Variants in ADAMTS13 observed in about 807,000 individuals in gnomAD.
The protein encoded by ADAMTS13 is A disintegrin and metalloproteinase with thrombospondin motifs 13.
Under a neutral mutation model 155.1 loss-of-function variants are expected in ADAMTS13, and 110 were observed. The observed-to-expected ratio is 0.71, with a 90% CI of 0.61 to 0.83. The LOEUF is 0.83. Ranked by LOEUF, ADAMTS13 falls within the 40% of genes least tolerant of loss-of-function variation. The pLI is 0.00. For synonymous variants in ADAMTS13, 758 were observed against 756.4 expected, an observed-to-expected ratio of 1.00 and a Z score of -0.03; for missense variants, 1,707 against 1,891.7, an observed-to-expected ratio of 0.90 and a Z score of 1.81.
rs1430563283 is a variant in ADAMTS13, at chr9:133,440,877, G to A, written c.1968+352G>A. Among the ~76,000 whole-genome samples the A allele has an allele frequency of 1.3e-5, 2 of 152,128 alleles. No individual in the cohort carries two copies. The highest frequency in any genetic ancestry group is 4.8e-5 in the African/African-American group (2 of 41,434). On this transcript the variant is annotated intron_variant, in intron 16 of 28. Coordinates refer to ENST00000355699, the MANE Select transcript of ADAMTS13 (RefSeq NM_139027.6). This position sits in a 1 kb window ranked among gnomAD's most constrained non-coding sequence, Gnocchi z 4.3. ...TGAGCAGATGTTGCTGGGCCAAGCA[G>A]GGAAGGAAGCGTATGGCTGAGGGAA...
rs1842734712 is a variant in ADAMTS13 at position 133,456,228 on chromosome 9, C to T, written c.3547+13C>T. On this transcript the variant is annotated intron_variant, in intron 26 of 28. Transcript: ENST00000355699. This position sits in a 1 kb window ranked among gnomAD's most constrained non-coding sequence, Gnocchi z 4.4. ...AACTGCAGTGCGGGTATGTCTAGGG[C>T]CATGCAAGCGATGCTGCCAGTTATG... 1 of 1,613,254 alleles carries T rather than the reference C, an allele frequency of 6.2e-7. No individual in the cohort carries two copies. Among genetic ancestry groups the T allele is most frequent in the Non-Finnish European group, 8.5e-7 (1 of 1,180,042 alleles).
In ADAMTS13 at chr9:133,428,630, C is replaced by A; in HGVS notation, c.687-4C>A. 1 of 1,321,952 alleles carries A rather than the reference C, an allele frequency of 7.6e-7. No homozygotes were observed. The allele number at this position is 1,321,952 out of a possible 1,614,324, so 81.9% of individuals were successfully genotyped here. A position where few individuals can be genotyped will look rare whatever the true frequency, so the allele number is the denominator to read the frequency against. On this transcript the variant is annotated splice_polypyrimidine_tract_variant and splice_region_variant and intron_variant, in intron 6 of 28. Transcript: ENST00000355699. ...CTTAGCGCAACTCCCCGCCCCCCGA[C>A]CAGCTTCGGCCTGGAGCACGACGGC...
At chr9:133,433,311 G>T in intron 9 of ADAMTS13, 67 bp from the exon 10 acceptor site, 1 of 1,596,020 alleles carries the variant, frequency 6.3e-7, no homozygotes, top group East Asian at 2.2e-5. Flanking sequence ...GGGACTCTCT[G>T]TGTGTGTTGG....
chr9:133,454,354 C>T (rs926835257), intron 23 of ADAMTS13, 61 bp from the exon 24 acceptor site: 23 of 1,585,274 alleles, frequency 1.5e-5, no homozygotes, highest in African/African-American at 6.7e-5. Flanking sequence ...GAGGGGCCTG[C>T]GTGGGGCAGT....
At position 133,445,150 on chromosome 9, in the gene ADAMTS13, C is replaced by A. The variant is rs1841972126; in HGVS notation, c.2610+98C>A. The A allele has an allele frequency of 7.5e-7, 1 of 1,333,134 alleles. No individual in the cohort carries two copies. The highest frequency in any genetic ancestry group is 2.0e-5 in the Admixed American group (1 of 50,358). 82.6% of individuals were successfully genotyped at this position (1,333,134 alleles called of 1,614,324 possible). On this transcript the variant is annotated intron_variant, in intron 20 of 28. Transcript: ENST00000355699. The surrounding 1 kb of genome is among the most constrained non-coding windows in gnomAD (Gnocchi z 5.0). The stretch of plus-strand genomic sequence containing the variant: ...ATTGCCACCGTCCTCCAGGCCAGAG[C>A]AAGAACACCATCCTTCTGTGGGAAT...
chr9:133,440,544 G>A lies in ADAMTS13; in HGVS notation c.1968+19G>A, dbSNP rs781987843. Reference sequence around the variant, plus strand: ...CATCCAGGTCAGCAGGAGAGCCTGGGGGAGGCCAGTGGGGGCTTCTTCTTG... The same window carrying A: ...CATCCAGGTCAGCAGGAGAGCCTGGAGGAGGCCAGTGGGGGCTTCTTCTTG... On this transcript the variant is annotated intron_variant, in intron 16 of 28. Transcript: ENST00000355699. The surrounding 1 kb of genome is among the most constrained non-coding windows in gnomAD (Gnocchi z 4.3). 2 of 1,581,660 alleles carry A rather than the reference G, an allele frequency of 1.3e-6. No individual in the cohort carries two copies. Among genetic ancestry groups the A allele is most frequent in the Non-Finnish European group, 1.7e-6 (2 of 1,160,704 alleles).
At chr9:133,447,143 C>T (rs1842120154) in intron 21 of ADAMTS13, among the ~76,000 whole-genome samples, 1 of 152,178 alleles carries the variant, frequency 6.6e-6, no homozygotes, top group African/African-American at 2.4e-5. Flanking sequence ...GCGTGAGCCC[C>T]CACACCTGGC....
At chr9:133,455,133 A>G in intron 24 of ADAMTS13, 152 bp from the exon 25 acceptor site, 1 of 870,650 alleles carries the variant, frequency 1.1e-6, no homozygotes, top group Non-Finnish European at 1.8e-6. Context: ...GCCCTCTCTG[A>G]GCCTCAGTTT....
intron 14 of ADAMTS13, among the ~76,000 whole-genome samples, chr9:133,439,065 A>G (rs1300253779): frequency 1.3e-5 from 2 of 152,184 alleles, no homozygotes; most frequent in East Asian, 1.9e-4. Flanking sequence ...ATATGAGGTC[A>G]AAAACCATTT....
rs1554784898 is a variant in ADAMTS13 at position 133,425,081 on chromosome 9, T to G, written c.331-448T>G. Among the ~76,000 whole-genome samples the G allele has an allele frequency of 1.3e-5, 2 of 152,110 alleles. No individual in the cohort carries two copies. Among genetic ancestry groups the G allele is most frequent in the African/African-American group, 4.8e-5 (2 of 41,418 alleles). ...GGCTCATGCCTATAATCCCAGCACT[T>G]TGGGAGGCCAAGGCGGGTGGATCAC... On this transcript the variant is annotated intron_variant, in intron 3 of 28. Transcript: ENST00000355699. This position sits in a 1 kb window ranked among gnomAD's most constrained non-coding sequence, Gnocchi z 4.6.
Position 133,458,555 on chromosome 9 carries a change from C to CAAAAA in ADAMTS13, c.3910-402_3910-398dup, listed in dbSNP as rs10699153. On this transcript the variant is annotated intron_variant, in intron 28 of 28. Transcript: ENST00000355699. ...TGGGCAACAGAGTGAGACTCTGTCT[C>CAAAAA]AAAAAAAAAAAAAAAAAAAAAGCGA... is the stretch of plus-strand genomic sequence containing the variant. 8.0e-4 allele frequency among the ~76,000 whole-genome samples: 45 copies of CAAAAA among 56,226 alleles called. 10 individuals carry two copies. Among genetic ancestry groups the CAAAAA allele is most frequent in the South Asian group, 4.8e-3 (4 of 830 alleles). 36.9% of individuals were successfully genotyped at this position (56,226 alleles called of 152,430 possible).
intron 1 of ADAMTS13, among the ~76,000 whole-genome samples, chr9:133,415,390 C>A (rs138150757): frequency 6.6e-6 from 1 of 151,892 alleles, no homozygotes; most frequent in East Asian, 1.9e-4. Context: ...CTTGGGCCAA[C>A]ATCCTGCTAC....
At position 133,439,386 on chromosome 9, in the gene ADAMTS13, G is replaced by A; in HGVS notation, c.1726G>A (p.Val576Ile). 6.2e-7 allele frequency: 1 copy of A among 1,613,844 alleles called. No individual in the cohort carries two copies. Among genetic ancestry groups the A allele is most frequent in the Non-Finnish European group, 8.5e-7 (1 of 1,179,716 alleles). Residue 576 changes from valine to isoleucine, a missense_variant, in exon 15 of 29, where the codon GTT (valine) becomes ATT (isoleucine). Physicochemically the swap from Val to Ile is conservative, Grantham distance 29. This residue lies in a region of ADAMTS13 where 961 missense variants were observed against 1,107.9 expected (regional missense o/e 0.87). Coordinates refer to ENST00000355699, the MANE Select transcript of ADAMTS13 (RefSeq NM_139027.6). ...TCTAGAATATGTCACGTTTCTGACA[G>A]TTACCCCCAACCTGACCAGTGTCTA... ...RAREYVTFLT[V>I]TPNLTSVYIA... is the part of the protein sequence containing the mutation.
At chr9:133,447,994 CTT>C (rs782297820) in intron 21 of ADAMTS13, among the ~76,000 whole-genome samples, 14 of 140,034 alleles carry the variant, frequency 1.0e-4, no homozygotes, top group Admixed American at 2.9e-4. Flanking sequence ...ATTTTTTTTT[CTT>C]TTTTTTTTTT....
chr9:133,450,565 CAAAAAAAAA>C (rs924514326), intron 23 of ADAMTS13, among the ~76,000 whole-genome samples: 5 of 74,828 alleles, frequency 6.7e-5, no homozygotes, highest in Non-Finnish European at 1.1e-4. Flanking sequence ...AACTCCATCT[CAAAAAAAAA>C]AAAAAAAAAA....
chr9:133,437,769 A>G lies in ADAMTS13; in HGVS notation c.1456A>G (p.Met486Val). The G allele has an allele frequency of 1.2e-6, 2 of 1,613,876 alleles. No individual in the cohort carries two copies. Among genetic ancestry groups the G allele is most frequent in the Non-Finnish European group, 8.5e-7 (1 of 1,180,032 alleles). ...HSQGDALCRH[M>V]CRAIGESFIM... is the part of the protein sequence containing the mutation. ...CCCAGGGGATGCTCTGTGCAGACAC[A>G]TGTGCCGGGCCATTGGCGAGAGCTT... is the stretch of plus-strand genomic sequence containing the variant. Residue 486 changes from methionine (M) to valine (V), a missense_variant, in exon 13 of 29, where the codon ATG becomes GTG. Met to Val is a conservative substitution (Grantham distance 21, BLOSUM62 1). Around this residue, in one of 3 missense-constraint regions of ADAMTS13, gnomAD observed 733 missense variants for 749.6 expected, o/e 0.98. Coordinates refer to ENST00000355699, the MANE Select transcript of ADAMTS13 (RefSeq NM_139027.6).
At position 133,456,965 on chromosome 9, in the gene ADAMTS13, C is replaced by T. The variant is rs1554796282; in HGVS notation, c.3724+246C>T. 1 of 642,290 alleles carries T rather than the reference C, an allele frequency of 1.6e-6. No individual in the cohort carries two copies. The highest frequency in any genetic ancestry group is 1.8e-5 in the African/African-American group (1 of 56,320). 39.8% of individuals were successfully genotyped at this position (642,290 alleles called of 1,614,324 possible). Reference sequence around the variant, plus strand: ...AAGATGGACGGATGTGGGACATGGTCCACATCCTCAGTCAGTCCCTCAGGC... The same window carrying T: ...AAGATGGACGGATGTGGGACATGGTTCACATCCTCAGTCAGTCCCTCAGGC... On this transcript the variant is annotated intron_variant, in intron 27 of 28. Transcript: ENST00000355699. This position sits in a 1 kb window ranked among gnomAD's most constrained non-coding sequence, Gnocchi z 4.4.
At position 133,440,390 on chromosome 9, in the gene ADAMTS13, C is replaced by T. The variant is rs1373112883; in HGVS notation, c.1833C>T (p.Ile611=). ...ATGTCGTGGCTGGGAAGATGAGCAT[C>T]TCCCCTAACACCACCTACCCCTCCC... ...GRYVVAGKMS[I]SPNTTYPSLL... is the part of the protein sequence containing the mutation. The change falls in exon 16 of 29, where the codon ATC becomes ATT. Residue 611 remains isoleucine (I), a synonymous_variant. Transcript: ENST00000355699. This position sits in a 1 kb window ranked among gnomAD's most constrained non-coding sequence, Gnocchi z 4.3. The T allele has an allele frequency of 6.2e-7, 1 of 1,613,964 alleles. No homozygotes were observed. The highest frequency in any genetic ancestry group is 8.5e-7 in the Non-Finnish European group (1 of 1,180,036).
chr9:133,416,995 C>T (rs1839662186), intron 1 of ADAMTS13, among the ~76,000 whole-genome samples: 1 of 152,222 alleles, frequency 6.6e-6, no homozygotes, highest in Admixed American at 6.5e-5. Flanking sequence ...TGTCTTGCTA[C>T]ACAGACCAGT....
Sources: gnomAD v4.1 joint callset for allele counts (sites outside exome capture counted in the v4.1 genomes callset) on GRCh38, gnomAD v4.1.1 for gene constraint, gnomAD v4.1.1 regional missense constraint, Gnocchi (gnomAD v3.1) non-coding constraint, MANE v1.5 for transcripts, NCBI Gene and HGNC (gene_info 2026-07-23, HGNC 2026-07-21) for gene names.